Variants in NMBR observed in about 807,000 individuals in gnomAD.
The protein encoded by NMBR is neuromedin B receptor.
NMBR carries 16 observed loss-of-function variants against 20.5 expected under a neutral mutation model. That is an observed-to-expected ratio of 0.78 (90% CI 0.53 to 1.19). The LOEUF is 1.19. Ranked by LOEUF, NMBR falls within the 50% of genes most tolerant of loss-of-function variation. NMBR has a pLI of 0.00. For missense variants in NMBR, 582 were observed against 499.1 expected (o/e 1.17, Z -1.58); for synonymous variants, 212 against 196.6 (o/e 1.08, Z -0.65).
intron 1 of NMBR, among the ~76,000 whole-genome samples, chr6:142,092,724 C>T (rs934230171): frequency 2.0e-5 from 3 of 152,098 alleles, no homozygotes; most frequent in African/African-American, 4.8e-5. Flanking sequence ...GATAAGGAAT[C>T]CACAGTGAGC....
At chr6:142,112,910 ATAT>A (rs147041127) in intron 1 of NMBR, among the ~76,000 whole-genome samples, 53,398 of 151,726 alleles carry the variant, frequency 0.35, 10,619 homozygotes, top group Middle Eastern at 0.52. Flanking sequence ...ACAAAAGCAA[ATAT>A]TATTAAGCCA....
chr6:142,143,022 C>T (rs962003735), intron 1 of NMBR, among the ~76,000 whole-genome samples: 16 of 152,058 alleles, frequency 1.1e-4, no homozygotes, highest in Non-Finnish European at 2.2e-4. Flanking sequence ...GAGTTTGAGG[C>T]TGCAGTGAGC....
intron 1 of NMBR, among the ~76,000 whole-genome samples, chr6:142,114,783 A>G (rs1777822143): frequency 6.6e-6 from 1 of 152,158 alleles, no homozygotes; most frequent in Non-Finnish European, 1.5e-5. Context: ...ATGCAATTTA[A>G]TGATTAGAGT....
chr6:142,112,509 G>A (rs1248604623), intron 1 of NMBR, among the ~76,000 whole-genome samples: 1 of 152,122 alleles, frequency 6.6e-6, no homozygotes, highest in Non-Finnish European at 1.5e-5. Context: ...ATAATTTGAT[G>A]TGGCATCTGC....
chr6:142,129,694 G>C (rs765943190), intron 1 of NMBR, among the ~76,000 whole-genome samples: 2 of 152,080 alleles, frequency 1.3e-5, no homozygotes, highest in South Asian at 2.1e-4. Flanking sequence ...CCTCAAGGAA[G>C]TAGTGACTCT....
intron 2 of NMBR, among the ~76,000 whole-genome samples, chr6:142,082,151 ATTTC>A (rs977288653): frequency 3.3e-5 from 5 of 152,156 alleles, no homozygotes; most frequent in African/African-American, 1.2e-4. Flanking sequence ...ACTACCCAAA[ATTTC>A]TTTCTTTCTT....
intron 2 of NMBR, among the ~76,000 whole-genome samples, chr6:142,082,593 C>G (rs577816456): frequency 6.6e-6 from 1 of 152,198 alleles, no homozygotes; most frequent in Non-Finnish European, 1.5e-5. Context: ...ACTAACATTT[C>G]CAGGTGATTC....
intron 1 of NMBR, chr6:142,133,987 A>C: frequency 1.4e-6 from 1 of 702,550 alleles, no homozygotes; most frequent in Non-Finnish European, 2.6e-6. Flanking sequence ...ACAAAAGAGA[A>C]GTAAACCTCT....
At chr6:142,099,150 A>AAAT (rs926854968) in intron 1 of NMBR, among the ~76,000 whole-genome samples, 4 of 152,162 alleles carry the variant, frequency 2.6e-5, no homozygotes, top group African/African-American at 9.7e-5. Flanking sequence ...CCCTCCACAA[A>AAAT]AATTCACGAA....
chr6:142,143,932 A>G (rs944864794), intron 1 of NMBR, among the ~76,000 whole-genome samples: 1 of 152,222 alleles, frequency 6.6e-6, no homozygotes, highest in Non-Finnish European at 1.5e-5. Context: ...TTGCTCGTAT[A>G]TAGTTAGCTT....
chr6:142,082,025 G>A (rs1206757050), intron 2 of NMBR, among the ~76,000 whole-genome samples: 1 of 152,064 alleles, frequency 6.6e-6, no homozygotes, highest in Admixed American at 6.6e-5. Context: ...AATGTAAAGA[G>A]ATAATTAAGT....
At chr6:142,091,757 T>G (rs1205680240) in intron 1 of NMBR, among the ~76,000 whole-genome samples, 2 of 152,182 alleles carry the variant, frequency 1.3e-5, no homozygotes, top group African/African-American at 4.8e-5. Context: ...AAAGCAATTA[T>G]GTCAAAAAAA....
chr6:142,145,126 C>T (rs997900773), intron 1 of NMBR, among the ~76,000 whole-genome samples: 1 of 151,656 alleles, frequency 6.6e-6, no homozygotes, highest in Non-Finnish European at 1.5e-5. Flanking sequence ...CCAACTCCAA[C>T]CATTTCACTT....
chr6:142,117,577 G>A (rs572369615), intron 1 of NMBR, among the ~76,000 whole-genome samples: 86 of 151,908 alleles, frequency 5.7e-4, no homozygotes, highest in African/African-American at 2.0e-3. Flanking sequence ...TGTCACAGAG[G>A]GAATAAGGAA....
At chr6:142,131,265 C>A (rs913525176) in intron 1 of NMBR, among the ~76,000 whole-genome samples, 1 of 152,170 alleles carries the variant, frequency 6.6e-6, no homozygotes, top group Non-Finnish European at 1.5e-5. Flanking sequence ...CATTTGTAAT[C>A]AGCAGGCACA....
intron 2 of NMBR, among the ~76,000 whole-genome samples, chr6:142,086,782 T>C (rs1179719073): frequency 3.3e-5 from 5 of 152,166 alleles, no homozygotes; most frequent in Non-Finnish European, 7.3e-5. Flanking sequence ...GCCATGACAA[T>C]AGATTGTAAA....
chr6:142,091,317 C>A (rs1777319051), intron 1 of NMBR, among the ~76,000 whole-genome samples: 1 of 152,124 alleles, frequency 6.6e-6, no homozygotes, highest in African/African-American at 2.4e-5. Context: ...CAACCTCCTT[C>A]ATTCAAACAA....
chr6:142,135,197 A>G, intron 1 of NMBR: 1 of 180,750 alleles, frequency 5.5e-6, no homozygotes, highest in East Asian at 1.4e-4. Context: ...TTAATTGATC[A>G]GTTTTTCTGT....
intron 1 of NMBR, among the ~76,000 whole-genome samples, chr6:142,100,563 T>C (rs928964389): frequency 1.1e-4 from 16 of 152,228 alleles, no homozygotes; most frequent in Admixed American, 6.5e-4. Context: ...AAAGGACAAA[T>C]GTGTGGATCG....
Sources: allele counts gnomAD v4.1 joint callset (sites outside exome capture counted in the v4.1 genomes callset), GRCh38; gene constraint gnomAD v4.1.1; transcripts MANE v1.5; gene names NCBI Gene and HGNC (gene_info 2026-07-23, HGNC 2026-07-21).